Variants in EEPD1 observed in about 807,000 individuals in gnomAD.
EEPD1 encodes the protein endonuclease/exonuclease/phosphatase family domain containing 1, also known as endonuclease/exonuclease/phosphatase family domain-containing protein 1.
Under a neutral mutation model 46.3 loss-of-function variants are expected in EEPD1, and 17 were observed. The observed-to-expected ratio is 0.37, with a 90% CI of 0.25 to 0.55. The LOEUF (loss-of-function observed/expected upper bound fraction) is 0.55, where lower values mean the gene tolerates loss of function less well. Among genes scored for constraint, EEPD1 ranks in the 20% least tolerant of loss-of-function variants. The probability of loss-of-function intolerance (pLI) is 0.83; values close to 1 mark genes in which losing one functional copy is unlikely to be tolerated. For synonymous variants in EEPD1, 313 were observed against 315.6 expected, an observed-to-expected ratio of 0.99 and a Z score of 0.09; for missense variants, 673 against 745.6, an observed-to-expected ratio of 0.90 and a Z score of 1.13.
chr7:36,201,293 A>T (rs1051728355), intron 2 of EEPD1, among the ~76,000 whole-genome samples: 1 of 152,166 alleles, frequency 6.6e-6, no homozygotes, highest in African/African-American at 2.4e-5. Context: ...TGTGAATATA[A>T]GTTATAGAGT....
Position 36,297,115 on chromosome 7 carries a change from A to C in EEPD1, c.1438A>C (p.Thr480Pro). 6.2e-7 allele frequency: 1 copy of C among 1,614,232 alleles called. No homozygotes were observed. Residue 480 changes from threonine to proline, a missense_variant, in exon 7 of 8, where the codon ACC (threonine) becomes CCC (proline). Transcript: ENST00000242108. ...IPAHTFTNIS[T>P]KNPQGSKSLD... ...CGCGCACACCTTCACCAACATCAGC[A>C]CCAAGAACCCTCAAGGCTCGAAGTC...
intron 3 of EEPD1, among the ~76,000 whole-genome samples, chr7:36,264,358 G>A (rs1786978769): frequency 6.6e-6 from 1 of 152,188 alleles, no homozygotes; most frequent in African/African-American, 2.4e-5. Flanking sequence ...ATAATCTTGA[G>A]TCTGTTACTT....
At chr7:36,271,283 C>CT (rs757176552) in intron 3 of EEPD1, among the ~76,000 whole-genome samples, 3 of 152,174 alleles carry the variant, frequency 2.0e-5, no homozygotes, top group Non-Finnish European at 2.9e-5. Context: ...TATTTCCTGA[C>CT]TTTTTAATGA....
chr7:36,181,011 G>A (rs1785262081), intron 2 of EEPD1, among the ~76,000 whole-genome samples: 1 of 152,144 alleles, frequency 6.6e-6, no homozygotes, highest in Admixed American at 6.5e-5. Context: ...GGTTGGATCT[G>A]TAGAAGGATT....
At chr7:36,196,105 A>C (rs1179523500) in intron 2 of EEPD1, among the ~76,000 whole-genome samples, 1 of 152,216 alleles carries the variant, frequency 6.6e-6, no homozygotes, top group East Asian at 1.9e-4. Flanking sequence ...AGCTAAACAT[A>C]GAAAAGGTAC....
At chr7:36,209,612 A>ACCG (rs1294770326) in intron 2 of EEPD1, among the ~76,000 whole-genome samples, 6 of 152,106 alleles carry the variant, frequency 3.9e-5, no homozygotes, top group African/African-American at 1.4e-4. Context: ...ACTACTGAAT[A>ACCG]CCGCGGGCCA....
intron 3 of EEPD1, among the ~76,000 whole-genome samples, chr7:36,265,751 A>G (rs914944887): frequency 1.1e-4 from 17 of 152,182 alleles, no homozygotes; most frequent in Non-Finnish European, 1.2e-4. Flanking sequence ...TGTCTAACAC[A>G]TTCTTTCAGC....
intron 3 of EEPD1, among the ~76,000 whole-genome samples, chr7:36,248,459 G>C (rs1171265860): frequency 6.7e-6 from 1 of 150,154 alleles, no homozygotes; most frequent in African/African-American, 2.5e-5. Flanking sequence ...TGCCCACCTC[G>C]GCCTCCCAAA....
intron 2 of EEPD1, among the ~76,000 whole-genome samples, chr7:36,163,224 T>G (rs1391580552): frequency 6.6e-6 from 1 of 151,922 alleles, no homozygotes; most frequent in East Asian, 1.9e-4. Context: ...GGGCAGCCTC[T>G]GTGGCTTCAG....
chr7:36,236,463 G>T (rs562660119), intron 2 of EEPD1, among the ~76,000 whole-genome samples: 1 of 152,190 alleles, frequency 6.6e-6, no homozygotes, highest in Admixed American at 6.5e-5. Flanking sequence ...CACGACAGCC[G>T]GTCTCCGTCT....
chr7:36,235,036 T>C (rs71537974), intron 2 of EEPD1, among the ~76,000 whole-genome samples: 10,525 of 70,170 alleles, frequency 0.15, 591 homozygotes, highest in Admixed American at 0.28. Flanking sequence ...AGGCCTCCCC[T>C]ACAGCCTCCA....
intron 2 of EEPD1, among the ~76,000 whole-genome samples, chr7:36,204,416 T>TGAGGAG (rs755423607): frequency 1.4e-5 from 2 of 146,346 alleles, no homozygotes; most frequent in Non-Finnish European, 3.1e-5. Flanking sequence ...GCAGCAATGA[T>TGAGGAG]GATGAGGAGG....
chr7:36,178,006 G>T (rs1264711407), intron 2 of EEPD1, among the ~76,000 whole-genome samples: 2 of 152,104 alleles, frequency 1.3e-5, no homozygotes, highest in African/African-American at 2.4e-5. Context: ...GAGCCACCGC[G>T]CCTGGCACCT....
intron 6 of EEPD1, among the ~76,000 whole-genome samples, chr7:36,290,085 TG>T: frequency 6.6e-6 from 1 of 152,368 alleles, no homozygotes; most frequent in Middle Eastern, 3.4e-3. Context: ...GACTCTGATC[TG>T]TAAAATGGAC....
At chr7:36,243,435 A>G (rs533661027) in intron 3 of EEPD1, among the ~76,000 whole-genome samples, 36 of 152,296 alleles carry the variant, frequency 2.4e-4, no homozygotes, top group African/African-American at 8.2e-4. Context: ...TTCAATAGGT[A>G]GAGCCAGCAA....
chr7:36,287,911 A>T, intron 6 of EEPD1, 134 bp downstream of exon 6: 2 of 1,272,338 alleles, frequency 1.6e-6, no homozygotes, highest in Non-Finnish European at 2.2e-6. Flanking sequence ...GGACAGTCAA[A>T]CCTCTGGCAT....
rs997705927 is a variant in EEPD1 at position 36,225,904 on chromosome 7, T to C, written c.879-13081T>C. On this transcript the variant is annotated intron_variant, in intron 2 of 7. Transcript: ENST00000242108. This position sits in a 1 kb window ranked among gnomAD's most constrained non-coding sequence, Gnocchi z 4.2. ...AGATGTGCAGGGGCTTAGGGAAGTA[T>C]ACAAACATGCTCCTTTCTTTAAAAT... Among the ~76,000 whole-genome samples the C allele has an allele frequency of 5.3e-5, 8 of 152,228 alleles. No homozygotes were observed. The highest frequency in any genetic ancestry group is 1.9e-4 in the African/African-American group (8 of 41,464).
At chr7:36,258,898 A>C (rs893436951) in intron 3 of EEPD1, among the ~76,000 whole-genome samples, 6 of 151,440 alleles carry the variant, frequency 4.0e-5, no homozygotes, top group African/African-American at 1.5e-4. Context: ...AAAAAAAAAA[A>C]AAAAAACTGC....
intron 3 of EEPD1, among the ~76,000 whole-genome samples, chr7:36,274,727 C>T (rs1254756605): frequency 6.6e-6 from 1 of 152,166 alleles, no homozygotes; most frequent in African/African-American, 2.4e-5. Flanking sequence ...GTAATGACCC[C>T]AGGCATTCCT....
Sources: allele counts gnomAD v4.1 joint callset (sites outside exome capture counted in the v4.1 genomes callset), GRCh38; gene constraint gnomAD v4.1.1; non-coding constraint Gnocchi (gnomAD v3.1); transcripts MANE v1.5; gene names NCBI Gene and HGNC (gene_info 2026-07-23, HGNC 2026-07-21).